TAB2: variants seen among roughly 807,000 people sequenced by gnomAD.
TAB2 encodes the protein TGF-beta-activated kinase 1 and MAP3K7-binding protein 2.
In TAB2, 3 loss-of-function variants were observed where a neutral mutation model predicts 65.0. The ratio of observed to expected loss-of-function variants is 0.05; its 90% CI spans 0.02 to 0.12. The LOEUF (loss-of-function observed/expected upper bound fraction) is 0.12, where lower values mean the gene tolerates loss of function less well. Ranked by LOEUF, TAB2 falls within the 10% of genes least tolerant of loss-of-function variation. The pLI, the probability that TAB2 is intolerant of heterozygous loss-of-function variation, is 1.00. For synonymous variants in TAB2, 298 were observed against 285.1 expected (o/e 1.05, Z -0.46); for missense variants, 623 against 840.3 (o/e 0.74, Z 3.20).
rs138731123 is a variant in TAB2 at position 149,378,992 on chromosome 6, C to T, written c.1077C>T (p.Thr359=). 9.2e-5 allele frequency: 149 copies of T among 1,614,212 alleles called. No homozygotes were observed. In the African/African-American group the frequency reaches 1.9e-3, roughly 20 times the overall value. Residue 359 remains threonine, a synonymous_variant, in exon 3 of 7, where the codon ACC becomes ACT. Transcript: ENST00000637181. Reference sequence around the variant, plus strand: ...CTTCCTCTTCAGTCAATAGCCAGACCTTAAACAGAAATCAGCCCACTGTTT... The same window carrying T: ...CTTCCTCTTCAGTCAATAGCCAGACTTTAAACAGAAATCAGCCCACTGTTT... ...SSTSSSVNSQ[T]LNRNQPTVYI... is the part of the protein sequence containing the mutation.
chr6:149,389,201 G>T (rs1033596853), intron 3 of TAB2, among the ~76,000 whole-genome samples: 6 of 151,738 alleles, frequency 4.0e-5, no homozygotes, highest in Non-Finnish European at 7.4e-5. Context: ...TAATCCACCC[G>T]CATCGGCCTC....
chr6:149,337,377 G>A (rs1390478726), intron 1 of TAB2, among the ~76,000 whole-genome samples: 1 of 152,152 alleles, frequency 6.6e-6, no homozygotes, highest in African/African-American at 2.4e-5. Context: ...GGACTCTGTA[G>A]CTTTCTCCAG....
At chr6:149,249,207 C>G (rs980627779) in intron 1 of TAB2, among the ~76,000 whole-genome samples, 1 of 151,596 alleles carries the variant, frequency 6.6e-6, no homozygotes, top group African/African-American at 2.4e-5. Flanking sequence ...CTACTAGAAG[C>G]AATTCTTGGC....
chr6:149,248,113 C>G (rs908628172), intron 1 of TAB2, among the ~76,000 whole-genome samples: 14 of 152,080 alleles, frequency 9.2e-5, no homozygotes, highest in African/African-American at 3.4e-4. Context: ...ATTCTAAGGT[C>G]AGGCATGGTG....
rs148385182 is a variant in TAB2, at chr6:149,323,538, G to A, written c.-90+5523G>A. Among the ~76,000 whole-genome samples, 3 of 152,144 alleles carry A rather than the reference G, an allele frequency of 2.0e-5. No individual in the cohort carries two copies. In the East Asian group the frequency reaches 5.8e-4, roughly 29 times the overall value. ...CATTTCTGTGATACAGGAAATACTG[G>A]TGTTTTCACTGAAAAGTGAAAACGT... On this transcript the variant is annotated intron_variant, in intron 1 of 6. Transcript: ENST00000637181.
intron 1 of TAB2, among the ~76,000 whole-genome samples, chr6:149,282,163 CAA>C (rs34466629): frequency 1.8e-4 from 26 of 144,688 alleles, no homozygotes; most frequent in East Asian, 9.8e-4. Flanking sequence ...AAGACTCTGT[CAA>C]AAAAAAAAAA....
At chr6:149,356,503 CTG>C (rs1388732107) in intron 1 of TAB2, among the ~76,000 whole-genome samples, 1 of 152,202 alleles carries the variant, frequency 6.6e-6, no homozygotes, top group Non-Finnish European at 1.5e-5. Context: ...CACCAGCAGA[CTG>C]AATGTCTGGT....
chr6:149,371,652 A>G (rs1333543449), intron 2 of TAB2, among the ~76,000 whole-genome samples: 1 of 152,230 alleles, frequency 6.6e-6, no homozygotes, highest in East Asian at 1.9e-4. Flanking sequence ...AAAAAAAACT[A>G]CACAGAGAGT....
intron 3 of TAB2, among the ~76,000 whole-genome samples, chr6:149,384,252 A>G (rs984071161): frequency 3.3e-5 from 5 of 152,284 alleles, no homozygotes; most frequent in African/African-American, 1.2e-4. Flanking sequence ...ACCAAAATGC[A>G]TTTTTTCTTT....
chr6:149,267,188 A>G (rs1778279956), intron 1 of TAB2, among the ~76,000 whole-genome samples: 1 of 152,122 alleles, frequency 6.6e-6, no homozygotes, highest in Admixed American at 6.5e-5. Context: ...TCAGACAACT[A>G]AGAAGGAGGC....
chr6:149,377,232 G>A (rs1019015712), intron 2 of TAB2, among the ~76,000 whole-genome samples: 12 of 151,616 alleles, frequency 7.9e-5, no homozygotes, highest in African/African-American at 1.2e-4. Flanking sequence ...CACCACGCCC[G>A]GCTAATTTTT....
chr6:149,347,119 A>G (rs1780332190), intron 1 of TAB2: 1 of 152,222 alleles, frequency 6.6e-6, no homozygotes, highest in South Asian at 2.1e-4. Flanking sequence ...ATATGTTTTG[A>G]TGAAGTATAA....
upstream of TAB2, among the ~76,000 whole-genome samples, chr6:149,314,980 CAATAAATA>C (rs923908083): frequency 1.3e-5 from 2 of 151,154 alleles, no homozygotes; most frequent in Non-Finnish European, 2.9e-5. Context: ...TTTACTGAAT[CAATAAATA>C]CAGAAATCAC....
At chr6:149,296,915 T>G (rs1778886492) in intron 1 of TAB2, among the ~76,000 whole-genome samples, 1 of 152,196 alleles carries the variant, frequency 6.6e-6, no homozygotes, top group Non-Finnish European at 1.5e-5. Context: ...TATCTTCTAT[T>G]TTTTCCCTCT....
upstream of TAB2, among the ~76,000 whole-genome samples, chr6:149,316,614 G>C (rs149414464): frequency 6.9e-6 from 1 of 144,542 alleles, no homozygotes; most frequent in African/African-American, 2.6e-5. Flanking sequence ...AGAAACGTCT[G>C]AGTATTAAAC....
intron 1 of TAB2, among the ~76,000 whole-genome samples, chr6:149,278,764 A>C (rs1337144742): frequency 3.3e-5 from 5 of 152,122 alleles, no homozygotes; most frequent in Non-Finnish European, 5.9e-5. Context: ...AGGAAAGAGG[A>C]AAGGAATAAA....
intron 1 of TAB2, among the ~76,000 whole-genome samples, chr6:149,252,858 C>T (rs966297537): frequency 2.0e-5 from 3 of 152,148 alleles, no homozygotes; most frequent in Non-Finnish European, 2.9e-5. Flanking sequence ...TCCACTTGCC[C>T]TATTTCTCTT....
chr6:149,311,402 C>A (rs1162846660), intron 1 of TAB2, among the ~76,000 whole-genome samples: 1 of 152,226 alleles, frequency 6.6e-6, no homozygotes, highest in Non-Finnish European at 1.5e-5. Context: ...CCCAGAGTAA[C>A]TTAGTTTCTC....
chr6:149,384,290 A>C (rs959054150), intron 3 of TAB2, among the ~76,000 whole-genome samples: 2 of 152,224 alleles, frequency 1.3e-5, no homozygotes, highest in Non-Finnish European at 2.9e-5. Flanking sequence ...TTTGAAATCT[A>C]AAATACTGTG....
Sources: gnomAD v4.1 joint callset for allele counts (sites outside exome capture counted in the v4.1 genomes callset) on GRCh38, gnomAD v4.1.1 for gene constraint, MANE v1.5 for transcripts, NCBI Gene and HGNC (gene_info 2026-07-23, HGNC 2026-07-21) for gene names.